The following CNDP1 variants were observed in gnomAD, a reference collection of about 807,000 sequenced individuals.
CNDP1 encodes the protein beta-Ala-His dipeptidase.
A neutral mutation model predicts 58.1 loss-of-function variants in CNDP1; 44 were observed. The ratio of observed to expected loss-of-function variants is 0.76; its 90% confidence interval spans 0.60 to 0.97. CNDP1 has a LOEUF of 0.97. Ranked by LOEUF, CNDP1 falls within the 50% of genes least tolerant of loss-of-function variation. CNDP1 has a pLI of 0.00. For synonymous variants in CNDP1, 254 were observed against 252.6 expected, an observed-to-expected ratio of 1.01 and a Z score of -0.05; for missense variants, 616 against 655.1, an observed-to-expected ratio of 0.94 and a Z score of 0.65.
chr18:74,586,380 TTTG>T lies in CNDP1; in HGVS notation c.*1822_*1824del, dbSNP rs1981914645. The T allele has an allele frequency of 6.6e-6, 1 of 152,248 alleles. No individual in the cohort carries two copies. The highest frequency in any genetic ancestry group is 1.5e-5 in the Non-Finnish European group (1 of 68,042). 9.4% of individuals were successfully genotyped at this position (152,248 alleles called of 1,614,324 possible). A position where few individuals can be genotyped will look rare whatever the true frequency, so the allele number is the denominator to read the frequency against. On this transcript the variant is annotated 3_prime_UTR_variant, in exon 12 of 12. Transcript: ENST00000358821. ...GCAGAGTTTCGTGGTGTTTCTCGATTTTGTTGAACCTACCTGATGCATTTGGCA... is the reference window on the plus strand; with the variant it reads ...GCAGAGTTTCGTGGTGTTTCTCGATTTTGAACCTACCTGATGCATTTGGCA...
At chr18:74,539,282 T>G (rs1465609442) in intron 1 of CNDP1, among the ~76,000 whole-genome samples, 1 of 152,094 alleles carries the variant, frequency 6.6e-6, no homozygotes, top group African/African-American at 2.4e-5. Context: ...ACTCCCAACT[T>G]ACGACGGAAG....
At chr18:74,561,866 CT>C (rs1981208183) in intron 4 of CNDP1, 180 bp from the exon 5 acceptor site, 2 of 543,712 alleles carry the variant, frequency 3.7e-6, no homozygotes, top group Non-Finnish European at 6.7e-6. Context: ...CCAAGGATCT[CT>C]TATGTACAGT....
At chr18:74,579,568 A>G (rs9959794) in intron 9 of CNDP1, among the ~76,000 whole-genome samples, 150,655 of 152,144 alleles carry the variant, frequency 0.99, 74,610 homozygotes, top group Middle Eastern at 1. Flanking sequence ...AGAAATTTGA[A>G]TATGGCACCT....
intron 5 of CNDP1, among the ~76,000 whole-genome samples, chr18:74,566,917 T>C (rs1022032905): frequency 2.6e-5 from 4 of 152,184 alleles, no homozygotes; most frequent in Non-Finnish European, 5.9e-5. Context: ...AGAGGTTTAA[T>C]AGGACTTACA....
At chr18:74,546,837 T>G (rs1980772814) in intron 1 of CNDP1, among the ~76,000 whole-genome samples, 1 of 152,234 alleles carries the variant, frequency 6.6e-6, no homozygotes, top group Non-Finnish European at 1.5e-5. Flanking sequence ...CCATTTCACG[T>G]GGTGTGTGGC....
intron 1 of CNDP1, among the ~76,000 whole-genome samples, chr18:74,551,980 A>G (rs1299531675): frequency 1.3e-5 from 2 of 151,150 alleles, no homozygotes; most frequent in African/African-American, 2.4e-5. Context: ...CCTTCCTCAC[A>G]CCTGAGCTCC....
intron 1 of CNDP1, among the ~76,000 whole-genome samples, chr18:74,551,802 T>C (rs1210460086): frequency 6.6e-6 from 1 of 152,228 alleles, no homozygotes; most frequent in East Asian, 1.9e-4. Context: ...CTGTCCTTTT[T>C]TATTTTTCAC....
chr18:74,543,808 GGC>G, intron 1 of CNDP1, among the ~76,000 whole-genome samples: 1 of 152,170 alleles, frequency 6.6e-6, no homozygotes, highest in East Asian at 1.9e-4. Flanking sequence ...AATGAGGCCA[GGC>G]ACTATGGCTC....
intron 5 of CNDP1, 182 bp from the exon 6 acceptor site, chr18:74,567,051 C>A (rs1412475152): frequency 3.3e-6 from 2 of 601,462 alleles, no homozygotes; most frequent in Non-Finnish European, 5.9e-6. Flanking sequence ...TCTCATGAGA[C>A]TTACTCACTA....
At chr18:74,561,858 A>G (rs1245730500) in intron 4 of CNDP1, 189 bp from the exon 5 acceptor site, 1 of 502,826 alleles carries the variant, frequency 2.0e-6, no homozygotes, top group Non-Finnish European at 3.6e-6. Context: ...GAAGAGATCC[A>G]AGGATCTCTT....
At position 74,583,633 on chromosome 18, in the gene CNDP1, T is replaced by G; in HGVS notation, c.1382T>G (p.Val461Gly). The change falls in exon 11 of 12, where the codon GTC (valine) becomes GGC (glycine). Residue 461 changes from valine (V) to glycine (G), a missense_variant. Val to Gly is a moderately radical substitution (Grantham distance 109). Coordinates refer to ENST00000358821, the MANE Select transcript of CNDP1 (RefSeq NM_032649.6). ...IPIAKMFQEI[V>G]HKSVVLIPLG... is the part of the protein sequence containing the mutation. ...ATTGCCAAAATGTTCCAGGAGATCG[T>G]CCACAAGAGCGTGGTGCTAATTCCG... is the stretch of plus-strand genomic sequence containing the variant. 1 of 1,614,126 alleles carries G rather than the reference T, an allele frequency of 6.2e-7. No homozygotes were observed. The highest frequency in any genetic ancestry group is 8.5e-7 in the Non-Finnish European group (1 of 1,179,996).
At chr18:74,542,851 C>G (rs994051351) in intron 1 of CNDP1, among the ~76,000 whole-genome samples, 1 of 152,156 alleles carries the variant, frequency 6.6e-6, no homozygotes, top group African/African-American at 2.4e-5. Flanking sequence ...CTGTAAGCCA[C>G]CAGTTTAAGA....
chr18:74,582,914 T>C (rs770275293), intron 10 of CNDP1, among the ~76,000 whole-genome samples: 15 of 152,224 alleles, frequency 9.9e-5, no homozygotes, highest in Non-Finnish European at 1.5e-4. Context: ...GAGTAAGAGA[T>C]AGATGGGAGC....
chr18:74,538,696 CTTG>C (rs965907643), intron 1 of CNDP1, among the ~76,000 whole-genome samples: 6 of 152,168 alleles, frequency 3.9e-5, no homozygotes, highest in African/African-American at 1.4e-4. Context: ...CCTCAAAACA[CTTG>C]TTATCTGACT....
intron 7 of CNDP1, among the ~76,000 whole-genome samples, chr18:74,573,431 A>ATTCAT (rs565156580): frequency 2.1e-5 from 3 of 141,766 alleles, no homozygotes; most frequent in Non-Finnish European, 4.6e-5. Context: ...CATCCATCCA[A>ATTCAT]CTATCTATCT....
At chr18:74,571,054 T>C in intron 6 of CNDP1, 132 bp from the exon 7 acceptor site, 1 of 604,916 alleles carries the variant, frequency 1.7e-6, no homozygotes, top group South Asian at 2.2e-5. Flanking sequence ...ACACAGAAAG[T>C]GAAGTCAGGT....
chr18:74,554,049 G>A (rs1235720092), intron 1 of CNDP1, among the ~76,000 whole-genome samples: 1 of 152,218 alleles, frequency 6.6e-6, no homozygotes, highest in African/African-American at 2.4e-5. Flanking sequence ...GCTCAGAGAG[G>A]TACCCGAAGG....
chr18:74,572,185 A>G (rs769142647), intron 7 of CNDP1, among the ~76,000 whole-genome samples: 1 of 151,652 alleles, frequency 6.6e-6, no homozygotes, highest in Non-Finnish European at 1.5e-5. Context: ...TTGATTTCCC[A>G]TGGATTGCTG....
intron 6 of CNDP1, among the ~76,000 whole-genome samples, chr18:74,567,880 C>T (rs1981371959): frequency 6.6e-6 from 1 of 152,174 alleles, no homozygotes; most frequent in Non-Finnish European, 1.5e-5. Flanking sequence ...ACATTGGTGT[C>T]GCCCGAGGCC....
Sources: allele counts gnomAD v4.1 joint callset (sites outside exome capture counted in the v4.1 genomes callset), GRCh38; gene constraint gnomAD v4.1.1; transcripts MANE v1.5; gene names NCBI Gene and HGNC (gene_info 2026-07-23, HGNC 2026-07-21).